Variants in CLCN7 observed in about 807,000 individuals in gnomAD.
CLCN7 encodes H(+)/Cl(-) exchange transporter 7.
CLCN7 carries 60 observed loss-of-function variants against 102.1 expected under a neutral mutation model. The ratio of observed to expected loss-of-function variants is 0.59; its 90% CI spans 0.48 to 0.73. CLCN7 has a LOEUF of 0.73. CLCN7 is among the 30% of genes least tolerant of loss of function. The pLI is 0.00. For missense variants in CLCN7, 962 were observed against 1,125.7 expected (o/e 0.85, Z 2.08); for synonymous variants, 560 against 490.5 (o/e 1.14, Z -1.87).
chr16:1,466,382 T>C (rs964695499), intron 1 of CLCN7, among the ~76,000 whole-genome samples: 3 of 152,194 alleles, frequency 2.0e-5, no homozygotes, highest in Admixed American at 1.3e-4. Flanking sequence ...TTCTTGGTGA[T>C]AGAACGGCAG....
intron 1 of CLCN7, among the ~76,000 whole-genome samples, chr16:1,466,042 TGGAGA>T (rs2039000333): frequency 6.6e-6 from 1 of 152,222 alleles, no homozygotes; most frequent in African/African-American, 2.4e-5. Context: ...AGAGATCCTT[TGGAGA>T]CGACTCCAAT....
At position 1,457,234 on chromosome 16, in the gene CLCN7, C is replaced by A; in HGVS notation, c.822+20G>T. 1 of 1,610,336 alleles carries A rather than the reference C, an allele frequency of 6.2e-7. No individual in the cohort carries two copies. Among genetic ancestry groups the A allele is most frequent in the Non-Finnish European group, 8.5e-7 (1 of 1,176,706 alleles). The stretch of plus-strand genomic sequence containing the variant: ...GTGCCCATGGCATCTGGAGCCCACC[C>A]ACACAAGATTTCAACTCACCTTGAA... On this transcript the variant is annotated intron_variant, in intron 9 of 24. Coordinates refer to ENST00000382745, the MANE Select transcript of CLCN7 (RefSeq NM_001287.6). The surrounding 1 kb of genome is among the most constrained non-coding windows in gnomAD (Gnocchi z 5.4).
intron 14 of CLCN7, 133 bp downstream of exon 14, chr16:1,453,700 AG>A: frequency 1.2e-6 from 1 of 858,758 alleles, no homozygotes; most frequent in East Asian, 2.5e-5. Flanking sequence ...GGAAACCATC[AG>A]GAAGGACGCT....
rs990837869 is a variant in CLCN7 at position 1,448,908 on chromosome 16, C to A, written c.1797+58G>T. 4.7e-5 allele frequency: 76 copies of A among 1,606,732 alleles called. No homozygotes were observed. The East Asian group carries it at 1.7e-3, about 35-fold the overall frequency. On this transcript the variant is annotated intron_variant, in intron 19 of 24. Transcript: ENST00000382745. ...CCGGCTGTTTGGAGGCTCACAGGGG[C>A]CCCTCCCCTATGGCAGCACCCACGC...
chr16:1,473,853 G>A (rs1309389773), intron 1 of CLCN7, among the ~76,000 whole-genome samples: 1 of 152,058 alleles, frequency 6.6e-6, no homozygotes, highest in Non-Finnish European at 1.5e-5. Flanking sequence ...GGAGGCTGAG[G>A]TGCGGGGGAT....
At chr16:1,455,322 AC>A in intron 11 of CLCN7, 72 bp from the exon 12 acceptor site, 1 of 980,728 alleles carries the variant, frequency 1.0e-6, no homozygotes, top group Non-Finnish European at 1.7e-6. Flanking sequence ...ACCAGCAGGG[AC>A]CATCGCCCCT....
At position 1,456,122 on chromosome 16, in the gene CLCN7, C is replaced by A. The variant is rs1467468428; in HGVS notation, c.907G>T (p.Ala303Ser). 1 of 1,557,076 alleles carries A rather than the reference C, an allele frequency of 6.4e-7. No homozygotes were observed. Among genetic ancestry groups the A allele is most frequent in the Non-Finnish European group, 8.7e-7 (1 of 1,150,480 alleles). ...GTGCGGCCCTCCTCACCCACGGGGG[C>A]TCCAAACGCCGCTGACACTCCGGCC... ...AAAGVSAAFG[A>S]PVGGVLFSLE... Residue 303 changes from alanine to serine, a missense_variant, in exon 10 of 25, where the codon GCC becomes TCC. Coordinates refer to ENST00000382745, the MANE Select transcript of CLCN7 (RefSeq NM_001287.6).
rs565091497 is a variant in CLCN7 at position 1,446,489 on chromosome 16, C to T, written c.*142G>A. The T allele has an allele frequency of 7.6e-6, 6 of 789,326 alleles. No homozygotes were observed. Among genetic ancestry groups the T allele is most frequent in the South Asian group, 7.2e-5 (5 of 69,298 alleles). 48.9% of individuals were successfully genotyped at this position (789,326 alleles called of 1,614,324 possible). A position where few individuals can be genotyped will look rare whatever the true frequency, so the allele number is the denominator to read the frequency against. ...CGCGAGAGGGTCAGTTCCGCGCCTG[C>T]CGCCTGCCCGCCCAGCTGCAGGGTG... On this transcript the variant is annotated 3_prime_UTR_variant, in exon 25 of 25. Coordinates refer to ENST00000382745, the MANE Select transcript of CLCN7 (RefSeq NM_001287.6).
chr16:1,459,849 ACG>A, intron 6 of CLCN7, among the ~76,000 whole-genome samples: 4 of 114,666 alleles, frequency 3.5e-5, no homozygotes, highest in Middle Eastern at 6.3e-3. Context: ...CTCAGCACAC[ACG>A]TCGGGGCCCC....
intron 14 of CLCN7, among the ~76,000 whole-genome samples, chr16:1,453,559 C>T (rs562506616): frequency 6.6e-6 from 1 of 152,344 alleles, no homozygotes; most frequent in South Asian, 2.1e-4. Context: ...GCATGCCTCG[C>T]CCAGGCCCGA....
rs116802719 is a variant in CLCN7 at position 1,454,880 on chromosome 16, G to A, written c.1098+254C>T. On this transcript the variant is annotated intron_variant, in intron 12 of 24. Coordinates refer to ENST00000382745, the MANE Select transcript of CLCN7 (RefSeq NM_001287.6). ...CGGCTGCTGCACGTGCCCCCAGGCCGTGGGAGGCCCCATGCACGCAGCAAC... is the reference window on the plus strand; with the variant it reads ...CGGCTGCTGCACGTGCCCCCAGGCCATGGGAGGCCCCATGCACGCAGCAAC... Among the ~76,000 whole-genome samples, 9,329 of 152,302 alleles carry A rather than the reference G, an allele frequency of 0.061. 511 individuals are homozygous for A. Among genetic ancestry groups the A allele is most frequent in the African/African-American group, 0.13 (5,518 of 41,554 alleles).
chr16:1,458,950 T>C (rs2038882097), intron 7 of CLCN7, among the ~76,000 whole-genome samples, 157 bp downstream of exon 7: 1 of 152,178 alleles, frequency 6.6e-6, no homozygotes, highest in Non-Finnish European at 1.5e-5. Flanking sequence ...GAAAAAAAGG[T>C]GACCCCTTCA....
At position 1,460,481 on chromosome 16, in the gene CLCN7, C is replaced by T. The variant is rs770765311; in HGVS notation, c.531G>A (p.Leu177=). ...TEKGGLSFSL[L]LWATLNAAFV... ...AGGCGGCGTTCAGCGTGGCCCACAG[C>T]AACAGGGAGAAGGACAGTCCGCCCT... Residue 177 remains leucine (L), a synonymous_variant, in exon 6 of 25, where the codon TTG becomes TTA. Transcript: ENST00000382745. 1.2e-6 allele frequency: 2 copies of T among 1,613,866 alleles called. No individual in the cohort carries two copies. Among genetic ancestry groups the T allele is most frequent in the Non-Finnish European group, 1.7e-6 (2 of 1,179,998 alleles).
intron 7 of CLCN7, among the ~76,000 whole-genome samples, chr16:1,458,006 T>C (rs1430927697): frequency 6.6e-6 from 1 of 152,168 alleles, no homozygotes; most frequent in African/African-American, 2.4e-5. Context: ...CAAGGGGTTC[T>C]TTCGTTTCCT....
intron 16 of CLCN7, among the ~76,000 whole-genome samples, chr16:1,451,133 C>T (rs1271135548): frequency 2.6e-5 from 4 of 152,242 alleles, no homozygotes; most frequent in Admixed American, 6.5e-5. Flanking sequence ...TCCAAGGTCG[C>T]GGTCTGCGCT....
rs7196094 is a variant in CLCN7 at position 1,455,587 on chromosome 16, T to C, written c.981+144A>G. 0.047 allele frequency: 42,621 copies of C among 899,138 alleles called. 1,830 individuals carry two copies. Among genetic ancestry groups the C allele is most frequent in the African/African-American group, 0.17 (10,452 of 61,114 alleles). The allele number at this position is 899,138 out of a possible 1,614,324, so 55.7% of individuals were successfully genotyped here. On this transcript the variant is annotated intron_variant, in intron 11 of 24. Transcript: ENST00000382745. ...GGGCAGCAAAGGCAGGACCGCTGCT[T>C]TGGGCAGGACCAAGGCCTGACAGAC...
chr16:1,468,733 C>T (rs1335636655), intron 1 of CLCN7, among the ~76,000 whole-genome samples: 4 of 129,960 alleles, frequency 3.1e-5, no homozygotes, highest in African/African-American at 1.2e-4. Flanking sequence ...TAGCCTGCAC[C>T]CCCTTCCTGG....
intron 2 of CLCN7, among the ~76,000 whole-genome samples, chr16:1,464,806 A>T (rs999532939): frequency 2.0e-5 from 3 of 152,108 alleles, no homozygotes; most frequent in Non-Finnish European, 4.4e-5. Context: ...TGGGGGAAAA[A>T]CCGAGGCCGG....
chr16:1,459,122 G>A lies in CLCN7; in HGVS notation c.660C>T (p.His220=), dbSNP rs12923538. Residue 220 remains histidine, a synonymous_variant, in exon 7 of 25, where the codon CAC becomes CAT. Transcript: ENST00000382745. ...KCFLNGVKIP[H]VVRLKTLVIK... ...GCACCCTCACCTTGAGCCGCACCAC[G>A]TGGGGGATCTTCACCCCGTTGAGGA... 0.13 allele frequency: 206,364 copies of A among 1,611,256 alleles called. 14,267 individuals are homozygous for A. The highest frequency in any genetic ancestry group is 0.21 in the African/African-American group (15,497 of 75,000).
Sources: gnomAD v4.1 joint callset for allele counts (sites outside exome capture counted in the v4.1 genomes callset) on GRCh38, gnomAD v4.1.1 for gene constraint, Gnocchi (gnomAD v3.1) non-coding constraint, MANE v1.5 for transcripts, NCBI Gene and HGNC (gene_info 2026-07-23, HGNC 2026-07-21) for gene names.